The following MAMDC2 variants were observed in gnomAD, a reference collection of about 807,000 sequenced individuals.
MAMDC2 encodes the protein MAM domain containing 2, also known as MAM domain-containing protein 2.
MAMDC2 carries 57 observed loss-of-function variants against 89.8 expected under a neutral mutation model. The observed-to-expected ratio is 0.63, with a 90% CI of 0.51 to 0.79. The LOEUF (loss-of-function observed/expected upper bound fraction) is 0.79. MAMDC2 is among the 30% of genes least tolerant of loss of function. MAMDC2 has a pLI of 0.00. For synonymous variants in MAMDC2, 313 were observed against 293.4 expected (o/e 1.07, Z -0.68); for missense variants, 800 against 820.6 (o/e 0.97, Z 0.31).
intron 2 of MAMDC2, among the ~76,000 whole-genome samples, chr9:70,085,643 C>G (rs943318891): frequency 6.6e-6 from 1 of 151,994 alleles, no homozygotes; most frequent in Admixed American, 6.6e-5. Context: ...ATAACTTGCC[C>G]TCAACTAACC....
intron 11 of MAMDC2, among the ~76,000 whole-genome samples, chr9:70,209,556 CTATT>C (rs765529451): frequency 2.5e-5 from 3 of 118,140 alleles, no homozygotes; most frequent in Non-Finnish European, 5.5e-5. Flanking sequence ...ATCTATCTAT[CTATT>C]TTATTGATCT....
chr9:70,128,434 T>A (rs2030660455), intron 6 of MAMDC2, among the ~76,000 whole-genome samples: 1 of 152,216 alleles, frequency 6.6e-6, no homozygotes, highest in Non-Finnish European at 1.5e-5. Context: ...AAAGACAAAC[T>A]TCTAGGCTTC....
rs550955152 is a variant in MAMDC2 at position 70,044,317 on chromosome 9, G to C, written c.34+86G>C. The C allele has an allele frequency of 2.3e-4, 337 of 1,437,222 alleles. 2 individuals carry two copies. In the East Asian group the frequency reaches 7.2e-3, roughly 31 times the overall value. The allele number at this position is 1,437,222 out of a possible 1,614,324, so 89.0% of individuals were successfully genotyped here. A position where few individuals can be genotyped will look rare whatever the true frequency, so the allele number is the denominator to read the frequency against. On this transcript the variant is annotated intron_variant, in intron 1 of 13. Transcript: ENST00000377182. ...TGCCCCCGGGGGTCCGGCTCACCGT[G>C]CTGGGCTGGGCCATCCGAGGGCGCC...
intron 11 of MAMDC2, among the ~76,000 whole-genome samples, chr9:70,207,992 T>A (rs2033265394): frequency 6.6e-6 from 1 of 152,194 alleles, no homozygotes; most frequent in Non-Finnish European, 1.5e-5. Context: ...TTGGTCTATA[T>A]CTCTGTTTTG....
intron 11 of MAMDC2, among the ~76,000 whole-genome samples, chr9:70,173,367 T>C (rs1418309601): frequency 1.3e-5 from 2 of 152,084 alleles, no homozygotes; most frequent in Non-Finnish European, 2.9e-5. Flanking sequence ...AAAATGCCTA[T>C]GGAATGAATG....
intron 11 of MAMDC2, among the ~76,000 whole-genome samples, chr9:70,198,906 T>C (rs1304579318): frequency 6.6e-6 from 1 of 152,140 alleles, no homozygotes; most frequent in Non-Finnish European, 1.5e-5. Flanking sequence ...CCAGTTTATT[T>C]CAAGTCCCTG....
At chr9:70,220,991 T>C (rs1172263941) in intron 12 of MAMDC2, among the ~76,000 whole-genome samples, 1 of 152,122 alleles carries the variant, frequency 6.6e-6, no homozygotes, top group African/African-American at 2.4e-5. Context: ...TAGTCACTAA[T>C]TCATATCACC....
At chr9:70,225,337 A>G (rs1255171800) in intron 12 of MAMDC2, among the ~76,000 whole-genome samples, 3 of 152,142 alleles carry the variant, frequency 2.0e-5, no homozygotes, top group Non-Finnish European at 2.9e-5. Flanking sequence ...TAGCAGTATC[A>G]AAGGTAGATT....
At chr9:70,219,627 T>C (rs1015638743) in intron 12 of MAMDC2, among the ~76,000 whole-genome samples, 5 of 152,226 alleles carry the variant, frequency 3.3e-5, no homozygotes, top group African/African-American at 1.2e-4. Context: ...TCAAAGGTGC[T>C]ACATTGTTAA....
chr9:70,161,943 C>T (rs1563981180), intron 9 of MAMDC2, among the ~76,000 whole-genome samples: 1 of 152,156 alleles, frequency 6.6e-6, no homozygotes, highest in African/African-American at 2.4e-5. Context: ...ATCAAACCGT[C>T]TGGGAAATTG....
intron 9 of MAMDC2, among the ~76,000 whole-genome samples, chr9:70,164,953 TTAATATTTAATA>T (rs1296842409): frequency 8.2e-5 from 12 of 146,790 alleles, no homozygotes; most frequent in South Asian, 4.2e-4. Flanking sequence ...AATATTTAAT[TTAATATTTAATA>T]TAATATTTAA....
chr9:70,048,973 T>A (rs1020426769), intron 2 of MAMDC2, among the ~76,000 whole-genome samples: 11 of 152,206 alleles, frequency 7.2e-5, no homozygotes, highest in African/African-American at 2.2e-4. Context: ...AATTAGGAGT[T>A]TGGAACACTC....
chr9:70,101,027 G>T (rs1828175837), intron 2 of MAMDC2, among the ~76,000 whole-genome samples: 1 of 152,154 alleles, frequency 6.6e-6, no homozygotes, highest in Admixed American at 6.5e-5. Flanking sequence ...ATATATGATG[G>T]TAGTCCCATA....
At chr9:70,208,070 C>A (rs568071429) in intron 11 of MAMDC2, among the ~76,000 whole-genome samples, 1 of 152,164 alleles carries the variant, frequency 6.6e-6, no homozygotes, top group African/African-American at 2.4e-5. Flanking sequence ...TAGCGTAATG[C>A]TTCCAGCTTT....
chr9:70,111,257 G>A (rs1475235810), intron 4 of MAMDC2, among the ~76,000 whole-genome samples: 1 of 151,134 alleles, frequency 6.6e-6, no homozygotes, highest in African/African-American at 2.5e-5. Context: ...GGATTCTTAG[G>A]AGGAGGAATA....
At chr9:70,126,116 A>AC in intron 5 of MAMDC2, 43 bp from the exon 6 acceptor site, 1 of 1,154,374 alleles carries the variant, frequency 8.7e-7, no homozygotes. Context: ...CCCCTCCCCC[A>AC]CCCCCAACTC....
intron 5 of MAMDC2, among the ~76,000 whole-genome samples, chr9:70,115,316 A>G (rs1379132178): frequency 6.6e-6 from 1 of 151,930 alleles, no homozygotes; most frequent in Non-Finnish European, 1.5e-5. Flanking sequence ...AAGCATGTTT[A>G]TGTACTTCCT....
chr9:70,076,403 A>G (rs1827534609), intron 2 of MAMDC2, among the ~76,000 whole-genome samples: 1 of 151,616 alleles, frequency 6.6e-6, no homozygotes, highest in African/African-American at 2.4e-5. Flanking sequence ...CCTGGGCAAT[A>G]GCATGAGACT....
chr9:70,181,334 G>A (rs7024198), intron 11 of MAMDC2, among the ~76,000 whole-genome samples: 1,684 of 152,280 alleles, frequency 0.011, 34 homozygotes, highest in African/African-American at 0.039. Flanking sequence ...TGGCTATACA[G>A]GCTCTTTTTT....
Sources: gnomAD v4.1 joint callset for allele counts (sites outside exome capture counted in the v4.1 genomes callset) on GRCh38, gnomAD v4.1.1 for gene constraint, MANE v1.5 for transcripts, NCBI Gene and HGNC (gene_info 2026-07-23, HGNC 2026-07-21) for gene names.